The following SEC24B variants were observed in gnomAD, a reference collection of about 807,000 sequenced individuals.
SEC24B encodes the protein SEC24 homolog B, COPII component.
SEC24B carries 45 observed loss-of-function variants against 142.8 expected under a neutral mutation model. That is an observed-to-expected ratio of 0.32 (90% confidence interval 0.25 to 0.40). The LOEUF (loss-of-function observed/expected upper bound fraction) is 0.40. Among genes scored for constraint, SEC24B ranks in the 10% least tolerant of loss-of-function variants. The pLI is 1.00. For missense variants in SEC24B, 1,409 were observed against 1,526.8 expected (o/e 0.92, Z 1.29); for synonymous variants, 574 against 568.2 (o/e 1.01, Z -0.15).
intron 21 of SEC24B, 62 bp downstream of exon 21, chr4:109,532,805 T>A: frequency 1.2e-6 from 1 of 818,918 alleles, no homozygotes; most frequent in Non-Finnish European, 2.1e-6. Flanking sequence ...AAAGAAACAC[T>A]TATAGGGTCC....
At chr4:109,464,695 T>C (rs1217597697) in intron 2 of SEC24B, among the ~76,000 whole-genome samples, 1 of 152,226 alleles carries the variant, frequency 6.6e-6, no homozygotes, top group Admixed American at 6.5e-5. Context: ...TGTGTATCAT[T>C]ATCTGGATAG....
At chr4:109,456,341 T>TG (rs1354770627) in intron 1 of SEC24B, among the ~76,000 whole-genome samples, 2 of 149,866 alleles carry the variant, frequency 1.3e-5, no homozygotes, top group South Asian at 2.1e-4. Flanking sequence ...TTTGTTTTTT[T>TG]TTTTTTTTTT....
At chr4:109,481,974 G>A (rs140669963) in intron 4 of SEC24B, among the ~76,000 whole-genome samples, 193 bp downstream of exon 4, 1 of 152,292 alleles carries the variant, frequency 6.6e-6, no homozygotes, top group Admixed American at 6.5e-5. Context: ...AGGCATCTTT[G>A]CCATATTGTA....
chr4:109,496,116 A>ATTTT (rs35448213), intron 6 of SEC24B, among the ~76,000 whole-genome samples: 1 of 145,768 alleles, frequency 6.9e-6, no homozygotes, highest in Non-Finnish European at 1.5e-5. Context: ...CAGGGAAACA[A>ATTTT]TTTTTTTTTT....
At chr4:109,468,212 G>A (rs1732159948) in intron 2 of SEC24B, among the ~76,000 whole-genome samples, 1 of 152,340 alleles carries the variant, frequency 6.6e-6, no homozygotes, top group East Asian at 1.9e-4. Context: ...AAACTTGTGT[G>A]ATTGTAGAGT....
At chr4:109,488,973 G>A (rs1218767140) in intron 4 of SEC24B, among the ~76,000 whole-genome samples, 1 of 151,978 alleles carries the variant, frequency 6.6e-6, no homozygotes, top group Non-Finnish European at 1.5e-5. Flanking sequence ...TTGTTGAGTT[G>A]TAAGAGTTTG....
intron 10 of SEC24B, 143 bp from the exon 11 acceptor site, chr4:109,516,385 C>G (rs1386775278): frequency 8.8e-6 from 5 of 568,340 alleles, no homozygotes; most frequent in Non-Finnish European, 1.5e-5. Context: ...ATATCATTTT[C>G]ATGAGCACAT....
intron 4 of SEC24B, 38 bp from the exon 5 acceptor site, chr4:109,491,289 C>T (rs780165605): frequency 6.7e-7 from 1 of 1,502,768 alleles, no homozygotes; most frequent in East Asian, 2.3e-5. Flanking sequence ...GATACTTTGT[C>T]ATTTTAAACC....
At position 109,508,356 on chromosome 4, in the gene SEC24B, G is replaced by A. The variant is rs550830602; in HGVS notation, c.1674-1653G>A. On this transcript the variant is annotated intron_variant, in intron 7 of 23. Coordinates refer to ENST00000265175, the MANE Select transcript of SEC24B (RefSeq NM_006323.5). ...AAGGCAGGTGGATCGCTTGAGCCCA[G>A]GAGTTTGTGACCAGCCTGGACAACA... Among the ~76,000 whole-genome samples the A allele has an allele frequency of 5.3e-5, 8 of 152,192 alleles. No individual in the cohort carries two copies. In the East Asian group the frequency reaches 9.7e-4, roughly 18 times the overall value.
In SEC24B at chr4:109,452,943, G is replaced by A. The variant is rs369567970; in HGVS notation, c.134-9958G>A. The stretch of plus-strand genomic sequence containing the variant: ...CTCCAATAATTCAACGTTATTTCAC[G>A]TAGGTTCTTTTCTGTTTCCCTAAGT... On this transcript the variant is annotated intron_variant, in intron 1 of 23. Coordinates refer to ENST00000265175, the MANE Select transcript of SEC24B (RefSeq NM_006323.5). Among the ~76,000 whole-genome samples, 142 of 152,100 alleles carry A rather than the reference G, an allele frequency of 9.3e-4. 2 individuals are homozygous for A. The highest frequency in any genetic ancestry group is 2.5e-4 in the Non-Finnish European group (17 of 68,028).
intron 19 of SEC24B, among the ~76,000 whole-genome samples, chr4:109,530,895 C>CAAA (rs35997146): frequency 6.9e-4 from 32 of 46,300 alleles, no homozygotes; most frequent in Non-Finnish European, 9.7e-4. Flanking sequence ...GACTCCGTCT[C>CAAA]AAAAAAAAAA....
At position 109,463,506 on chromosome 4, in the gene SEC24B, C is replaced by A; in HGVS notation, c.739C>A (p.Gln247Lys). The change falls in exon 2 of 24, where the codon CAG becomes AAG. Residue 247 changes from glutamine to lysine, a missense_variant. Gln to Lys is a moderately conservative substitution (Grantham distance 53). Transcript: ENST00000265175. The part of the protein sequence containing the change: ...PSPLPPLPSQ[Q>K]HHQQQSLSGY... Reference sequence around the variant, plus strand: ...GCCACTTCCACCTCTACCATCACAACAGCACCACCAGCAGCAAAGTCTTTC... The same window carrying A: ...GCCACTTCCACCTCTACCATCACAAAAGCACCACCAGCAGCAAAGTCTTTC... 1 of 1,614,182 alleles carries A rather than the reference C, an allele frequency of 6.2e-7. No homozygotes were observed. The highest frequency in any genetic ancestry group is 8.5e-7 in the Non-Finnish European group (1 of 1,180,032).
intron 1 of SEC24B, among the ~76,000 whole-genome samples, chr4:109,458,652 T>A (rs1016273062): frequency 2.6e-5 from 4 of 152,300 alleles, no homozygotes; most frequent in Admixed American, 1.3e-4. Flanking sequence ...AAAATAATGA[T>A]GGAAAGATAT....
chr4:109,517,250 A>C (rs1723035097), intron 11 of SEC24B, among the ~76,000 whole-genome samples: 1 of 152,208 alleles, frequency 6.6e-6, no homozygotes, highest in Admixed American at 6.5e-5. Context: ...AGATGGATGG[A>C]TAAAGAAACT....
intron 22 of SEC24B, among the ~76,000 whole-genome samples, chr4:109,534,593 GA>G (rs982917288): frequency 1.8e-4 from 27 of 150,094 alleles, no homozygotes; most frequent in Admixed American, 4.0e-4. Context: ...ACTAAAAAAA[GA>G]AAAAAAAATT....
At chr4:109,453,317 A>G (rs1730304016) in intron 1 of SEC24B, among the ~76,000 whole-genome samples, 1 of 152,008 alleles carries the variant, frequency 6.6e-6, no homozygotes, top group African/African-American at 2.4e-5. Flanking sequence ...CAGTCTGACT[A>G]GAATTCACCA....
At chr4:109,451,483 T>G (rs1302794167) in intron 1 of SEC24B, among the ~76,000 whole-genome samples, 1 of 152,142 alleles carries the variant, frequency 6.6e-6, no homozygotes, top group Non-Finnish European at 1.5e-5. Context: ...TACTTACTTT[T>G]GTTGCTCAGA....
intron 10 of SEC24B, among the ~76,000 whole-genome samples, chr4:109,514,497 A>G (rs7665738): frequency 0.12 from 17,628 of 152,132 alleles, 3,399 homozygotes; most frequent in African/African-American, 0.4. Flanking sequence ...TCAAGAATTT[A>G]AGACCAGCCT....
chr4:109,494,190 C>T (rs1447411312), intron 5 of SEC24B, among the ~76,000 whole-genome samples: 1 of 151,996 alleles, frequency 6.6e-6, no homozygotes, highest in Non-Finnish European at 1.5e-5. Flanking sequence ...TCAAGGGGCT[C>T]ACACCTGTAT....
Sources: allele counts gnomAD v4.1 joint callset (sites outside exome capture counted in the v4.1 genomes callset), GRCh38; gene constraint gnomAD v4.1.1; transcripts MANE v1.5; gene names NCBI Gene and HGNC (gene_info 2026-07-23, HGNC 2026-07-21).